Variants in SAMD12 observed in about 807,000 individuals in gnomAD.
SAMD12 encodes the protein sterile alpha motif domain containing 12, also known as sterile alpha motif domain-containing protein 12.
In SAMD12, 9 loss-of-function variants were observed where a neutral mutation model predicts 15.0. The observed-to-expected ratio is 0.60, with a 90% CI of 0.36 to 1.05. SAMD12 has a LOEUF of 1.05. Among genes scored for constraint, SAMD12 ranks in the 50% least tolerant of loss-of-function variants. The pLI is 0.01. For synonymous variants in SAMD12, 86 were observed against 90.1 expected (o/e 0.96, Z 0.25); for missense variants, 230 against 234.2 (o/e 0.98, Z 0.12).
chr8:118,166,199 AAG>A, the SAMD12 span, among the ~76,000 whole-genome samples: 3 of 152,180 alleles, frequency 2.0e-5, no homozygotes, highest in Admixed American at 2.0e-4. Context: ...AAATGGATAT[AAG>A]GGGTCTATAA....
intron 2 of SAMD12, among the ~76,000 whole-genome samples, 167 bp downstream of exon 2, chr8:118,580,548 A>G (rs538336881): frequency 3.5e-4 from 53 of 152,316 alleles, no homozygotes; most frequent in Non-Finnish European, 7.5e-4. Context: ...AAGGGAATAC[A>G]GTTAATATTT....
chr8:118,484,653 A>T (rs1376543556), intron 2 of SAMD12, among the ~76,000 whole-genome samples: 1 of 152,132 alleles, frequency 6.6e-6, no homozygotes, highest in Admixed American at 6.6e-5. Context: ...CAAGCAGAAC[A>T]CCAAATCAGT....
chr8:118,379,637 AG>A lies in SAMD12; in HGVS notation c.385del (p.Leu129SerfsTer12). 1 of 1,613,886 alleles carries A rather than the reference AG, an allele frequency of 6.2e-7. No individual in the cohort carries two copies. Among genetic ancestry groups the A allele is most frequent in the South Asian group, 1.1e-5 (1 of 91,082 alleles). On this transcript the variant is annotated frameshift_variant, in exon 4 of 4. Transcript: ENST00000314727. LOFTEE classifies it low-confidence loss of function (END_TRUNC). Reference protein sequence around the residue: ...LERMGIAQENLRQHILQQVLQ... With the variant: ...LERMGIAQENXRQHILQQVLQ... The stretch of plus-strand genomic sequence containing the variant: ...CACCTGTTGTAAGATGTGCTGCCGG[AG>A]GTTCTCCTGGGCAATCCCCATTCGC...
At chr8:118,470,016 T>C (rs749069438) in intron 2 of SAMD12, among the ~76,000 whole-genome samples, 10 of 152,152 alleles carry the variant, frequency 6.6e-5, no homozygotes, top group Non-Finnish European at 1.3e-4. Context: ...TATATATGTA[T>C]ATAATGGAAT....
intron 4 of SAMD12, among the ~76,000 whole-genome samples, chr8:118,341,320 A>G (rs191985536): frequency 1.0e-3 from 154 of 152,324 alleles, no homozygotes; most frequent in Middle Eastern, 3.4e-3. Flanking sequence ...TTCACTGATA[A>G]GAGCAGTCAC....
chr8:118,487,873 A>T (rs904594199), intron 2 of SAMD12, among the ~76,000 whole-genome samples: 3 of 152,208 alleles, frequency 2.0e-5, no homozygotes, highest in Non-Finnish European at 4.4e-5. Flanking sequence ...TGAAAGACAG[A>T]CTGACAAAAC....
At chr8:118,457,497 T>C (rs769793960) in intron 2 of SAMD12, among the ~76,000 whole-genome samples, 4 of 152,130 alleles carry the variant, frequency 2.6e-5, no homozygotes, top group Non-Finnish European at 5.9e-5. Flanking sequence ...CATTCTTTTA[T>C]TGAAGACATA....
chr8:118,566,840 G>C (rs182256504), intron 2 of SAMD12, among the ~76,000 whole-genome samples: 1 of 152,260 alleles, frequency 6.6e-6, no homozygotes, highest in African/African-American at 2.4e-5. Flanking sequence ...GAAATCTGGA[G>C]CTTTTAAAAG....
intron 1 of SAMD12, among the ~76,000 whole-genome samples, chr8:118,609,943 T>C (rs941984552): frequency 6.6e-6 from 1 of 152,154 alleles, no homozygotes; most frequent in Non-Finnish European, 1.5e-5. Context: ...GTGACACATA[T>C]ATGACAGGAA....
At chr8:118,177,667 A>G in the SAMD12 span, among the ~76,000 whole-genome samples, 6,056 of 152,300 alleles carry the variant, frequency 0.04, 280 homozygotes, top group Admixed American at 0.14. Context: ...AAGCTGCAGT[A>G]AGGTATGATC....
At chr8:118,585,349 C>G (rs1827411561) in intron 1 of SAMD12, among the ~76,000 whole-genome samples, 1 of 152,100 alleles carries the variant, frequency 6.6e-6, no homozygotes, top group African/African-American at 2.4e-5. Flanking sequence ...ATGATGAAAA[C>G]TCTCTGGAGA....
At chr8:118,454,492 G>A (rs903389150) in intron 2 of SAMD12, among the ~76,000 whole-genome samples, 13 of 152,258 alleles carry the variant, frequency 8.5e-5, no homozygotes, top group African/African-American at 3.1e-4. Flanking sequence ...AAGCCTTGGT[G>A]AATCATGCAT....
chr8:118,214,138 G>A (rs536896355), intron 4 of SAMD12, among the ~76,000 whole-genome samples: 13 of 152,298 alleles, frequency 8.5e-5, no homozygotes, highest in African/African-American at 2.4e-4. Flanking sequence ...ATGAATCACT[G>A]TGGATTGATT....
At chr8:118,553,638 T>C (rs978309703) in intron 2 of SAMD12, among the ~76,000 whole-genome samples, 38 of 149,374 alleles carry the variant, frequency 2.5e-4, no homozygotes, top group Non-Finnish European at 4.0e-4. Context: ...ACTTCATGTC[T>C]AAAACACCAA....
intron 2 of SAMD12, among the ~76,000 whole-genome samples, chr8:118,502,019 CAAAAA>C (rs778485490): frequency 1.2e-5 from 1 of 80,530 alleles, no homozygotes. Context: ...GACTCCGTCT[CAAAAA>C]AAAAAAAAAA....
chr8:118,292,177 T>A (rs931251720), intron 4 of SAMD12, among the ~76,000 whole-genome samples: 2 of 151,290 alleles, frequency 1.3e-5, no homozygotes, highest in Admixed American at 6.6e-5. Flanking sequence ...GATAAAAGAC[T>A]GCAAATACGG....
the SAMD12 span, among the ~76,000 whole-genome samples, chr8:118,175,038 A>C: frequency 6.4e-4 from 27 of 41,874 alleles, no homozygotes; most frequent in Middle Eastern, 0.034. Context: ...AAAAAACAAA[A>C]AAAAAAAAAC....
chr8:118,208,712 T>C (rs975786532), intron 4 of SAMD12, among the ~76,000 whole-genome samples: 4 of 152,242 alleles, frequency 2.6e-5, no homozygotes, highest in African/African-American at 4.8e-5. Context: ...CCAATTCATT[T>C]ATCTTTATAT....
intron 4 of SAMD12, among the ~76,000 whole-genome samples, chr8:118,223,249 T>A (rs1185437901): frequency 6.6e-6 from 1 of 152,184 alleles, no homozygotes; most frequent in Non-Finnish European, 1.5e-5. Flanking sequence ...AATACACTCT[T>A]ACTTCTAGAG....
Sources: allele counts gnomAD v4.1 joint callset (sites outside exome capture counted in the v4.1 genomes callset), GRCh38; gene constraint gnomAD v4.1.1; transcripts MANE v1.5; gene names NCBI Gene and HGNC (gene_info 2026-07-23, HGNC 2026-07-21).